The following VAV3 variants were observed in gnomAD, a reference collection of about 807,000 sequenced individuals.
VAV3 encodes the protein guanine nucleotide exchange factor VAV3.
A neutral mutation model predicts 131.2 loss-of-function variants in VAV3; 94 were observed. The observed-to-expected ratio is 0.72, with a 90% CI of 0.61 to 0.85. VAV3 has a LOEUF of 0.85. Among genes scored for constraint, VAV3 ranks in the 40% least tolerant of loss-of-function variants. VAV3 has a pLI of 0.00. For synonymous variants in VAV3, 349 were observed against 342.0 expected, an observed-to-expected ratio of 1.02 and a Z score of -0.22; for missense variants, 939 against 1,002.7, an observed-to-expected ratio of 0.94 and a Z score of 0.86.
intron 19 of VAV3, among the ~76,000 whole-genome samples, chr1:107,676,518 C>T (rs947558547): frequency 6.6e-6 from 1 of 152,084 alleles, no homozygotes; most frequent in African/African-American, 2.4e-5. Flanking sequence ...GAAACTGAAC[C>T]CTAATGATAT....
chr1:107,793,511 T>C (rs890250032), intron 2 of VAV3, among the ~76,000 whole-genome samples: 8 of 152,236 alleles, frequency 5.3e-5, no homozygotes, highest in African/African-American at 1.7e-4. Flanking sequence ...CCGCAGCACC[T>C]AGACCACCAC....
In VAV3 at chr1:107,571,243, G is replaced by A. The variant is rs8676; in HGVS notation, c.*2088C>T. 0.59 allele frequency: 90,408 copies of A among 152,194 alleles called. 27,033 individuals carry two copies. The highest frequency in any genetic ancestry group is 0.61 in the Non-Finnish European group (41,662 of 67,862). The allele number at this position is 152,194 out of a possible 1,614,324, so 9.4% of individuals were successfully genotyped here. ...ACCACTCTAATTCACCGTATTACAC[G>A]AGGGCTGCATACAGGCAAGACAAAG... On this transcript the variant is annotated 3_prime_UTR_variant, in exon 27 of 27. Coordinates refer to ENST00000370056, the MANE Select transcript of VAV3 (RefSeq NM_006113.5).
At chr1:107,906,614 C>A (rs886615137) in intron 1 of VAV3, among the ~76,000 whole-genome samples, 1 of 151,976 alleles carries the variant, frequency 6.6e-6, no homozygotes, top group East Asian at 1.9e-4. Context: ...TGCAGTGAGC[C>A]AAGATCGCGC....
At chr1:107,613,093 C>T (rs562487687) in intron 21 of VAV3, among the ~76,000 whole-genome samples, 2 of 152,226 alleles carry the variant, frequency 1.3e-5, no homozygotes, top group African/African-American at 2.4e-5. Flanking sequence ...GAAGTGGAAA[C>T]TCTTGTTGCT....
chr1:107,933,390 T>C (rs1371648490), intron 1 of VAV3, among the ~76,000 whole-genome samples: 5 of 152,084 alleles, frequency 3.3e-5, no homozygotes, highest in Admixed American at 1.3e-4. Flanking sequence ...CTTGAAAATC[T>C]GACCATTTCA....
At chr1:107,897,414 GGT>G (rs1349425690) in intron 1 of VAV3, 3 of 151,818 alleles carry the variant, frequency 2.0e-5, no homozygotes, top group African/African-American at 7.2e-5. Flanking sequence ...GACAAGAAGA[GGT>G]GAGTATCAGG....
chr1:107,745,446 T>C (rs1663284489), intron 15 of VAV3, among the ~76,000 whole-genome samples: 1 of 152,164 alleles, frequency 6.6e-6, no homozygotes, highest in Non-Finnish European at 1.5e-5. Context: ...ACTTTTCTCT[T>C]TGTTCAGCCT....
intron 2 of VAV3, among the ~76,000 whole-genome samples, chr1:107,791,238 G>C (rs138000883): frequency 1.3e-5 from 2 of 149,530 alleles, no homozygotes; most frequent in Non-Finnish European, 3.0e-5. Flanking sequence ...CAATAGCCTT[G>C]TGTGCCCCAT....
intron 11 of VAV3, among the ~76,000 whole-genome samples, chr1:107,755,920 A>T (rs779127097): frequency 2.6e-5 from 4 of 152,230 alleles, no homozygotes; most frequent in African/African-American, 9.6e-5. Flanking sequence ...TAGCATGAGA[A>T]AAGTAACCAA....
intron 25 of VAV3, among the ~76,000 whole-genome samples, chr1:107,590,324 T>C (rs1274989087): frequency 6.6e-6 from 1 of 152,152 alleles, no homozygotes; most frequent in African/African-American, 2.4e-5. Context: ...GACTCTGACT[T>C]CTCTTATTTA....
intron 19 of VAV3, chr1:107,669,059 G>A: frequency 9.3e-7 from 1 of 1,073,852 alleles, no homozygotes. Context: ...TGCTAAGAAG[G>A]TCAAAAAGAA....
chr1:107,609,940 C>T lies in VAV3; in HGVS notation c.2006G>A (p.Cys669Tyr), dbSNP rs759222206. ...PCVPKPVDYS[C>Y]QPWYAGAMER... ...CATTTTTAATACTTACCAGGGTTGG[C>T]AAGAATAATCTACTGGTTTGGGCAC... The change falls in exon 22 of 27, where the codon TGC (cysteine) becomes TAC (tyrosine). Residue 669 changes from cysteine (C) to tyrosine (Y), a missense_variant. Transcript: ENST00000370056. 3.7e-6 allele frequency: 6 copies of T among 1,613,142 alleles called. No individual in the cohort carries two copies. Among genetic ancestry groups the T allele is most frequent in the Non-Finnish European group, 5.1e-6 (6 of 1,179,368 alleles).
chr1:107,731,630 C>T (rs1365340669), intron 15 of VAV3, among the ~76,000 whole-genome samples: 2 of 152,168 alleles, frequency 1.3e-5, no homozygotes, highest in Non-Finnish European at 2.9e-5. Context: ...GTAAAATCTT[C>T]TTCATTATAA....
intron 2 of VAV3, among the ~76,000 whole-genome samples, chr1:107,832,720 G>A (rs994624417): frequency 2.0e-5 from 3 of 152,170 alleles, no homozygotes; most frequent in African/African-American, 7.2e-5. Flanking sequence ...GTTTTCCAAA[G>A]TGTTGATGCT....
At chr1:107,682,710 G>GAAAAC (rs147396719) in intron 19 of VAV3, among the ~76,000 whole-genome samples, 22,843 of 152,014 alleles carry the variant, frequency 0.15, 2,264 homozygotes, top group Non-Finnish European at 0.21. Flanking sequence ...CTTATGATAG[G>GAAAAC]AAAACAAAAT....
chr1:107,758,151 A>G (rs1361964602), intron 10 of VAV3, among the ~76,000 whole-genome samples: 1 of 152,162 alleles, frequency 6.6e-6, no homozygotes, highest in Non-Finnish European at 1.5e-5. Context: ...AAAACCTAAA[A>G]GGTGTCCCAG....
chr1:107,782,112 T>C (rs1665722089), intron 2 of VAV3, among the ~76,000 whole-genome samples: 1 of 152,206 alleles, frequency 6.6e-6, no homozygotes, highest in Admixed American at 6.5e-5. Flanking sequence ...GATTCTACTT[T>C]ACACTGTGGT....
intron 15 of VAV3, among the ~76,000 whole-genome samples, chr1:107,722,562 G>T (rs887898193): frequency 2.0e-5 from 3 of 152,072 alleles, no homozygotes; most frequent in Non-Finnish European, 4.4e-5. Flanking sequence ...TTATTTCAAA[G>T]AACATTTACT....
At chr1:107,914,636 G>A (rs1248137129) in intron 1 of VAV3, among the ~76,000 whole-genome samples, 5 of 152,192 alleles carry the variant, frequency 3.3e-5, no homozygotes, top group Non-Finnish European at 5.9e-5. Context: ...TTTCTCCAGT[G>A]TGCCATAATG....
Sources: allele counts gnomAD v4.1 joint callset (sites outside exome capture counted in the v4.1 genomes callset), GRCh38; gene constraint gnomAD v4.1.1; transcripts MANE v1.5; gene names NCBI Gene and HGNC (gene_info 2026-07-23, HGNC 2026-07-21).